THEMIS: variants seen among roughly 807,000 people sequenced by gnomAD.
THEMIS encodes the protein protein THEMIS.
THEMIS carries 37 observed loss-of-function variants against 52.6 expected under a neutral mutation model. The observed-to-expected ratio is 0.70, with a 90% CI of 0.54 to 0.93. THEMIS has a LOEUF of 0.93. Among genes scored for constraint, THEMIS ranks in the 40% least tolerant of loss-of-function variants. THEMIS has a pLI of 0.00. For missense variants in THEMIS, 808 were observed against 763.1 expected (o/e 1.06, Z -0.69); for synonymous variants, 292 against 272.7 (o/e 1.07, Z -0.70).
intron 1 of THEMIS, among the ~76,000 whole-genome samples, chr6:127,861,719 GGTT>G (rs1445042592): frequency 6.7e-6 from 1 of 149,514 alleles, no homozygotes; most frequent in Non-Finnish European, 1.5e-5. Flanking sequence ...AGGAGGTGAA[GGTT>G]GCAGTGAGCT....
chr6:127,881,029 C>A (rs990041538), intron 1 of THEMIS, among the ~76,000 whole-genome samples: 1 of 151,978 alleles, frequency 6.6e-6, no homozygotes, highest in Non-Finnish European at 1.5e-5. Context: ...TTTTTAAATT[C>A]AAGAACTTGA....
chr6:127,739,310 G>C (rs945548360), intron 4 of THEMIS, among the ~76,000 whole-genome samples: 1 of 152,122 alleles, frequency 6.6e-6, no homozygotes, highest in Non-Finnish European at 1.5e-5. Context: ...AGTTGAGAGA[G>C]AGACAGAGAG....
chr6:127,785,199 C>T (rs1485091032), intron 4 of THEMIS, among the ~76,000 whole-genome samples: 5 of 128,148 alleles, frequency 3.9e-5, no homozygotes, highest in Non-Finnish European at 1.8e-5. Context: ...CTATTATCTA[C>T]CTACCTACCT....
At chr6:127,902,169 T>A (rs1037163355), upstream of THEMIS, among the ~76,000 whole-genome samples, 98 of 151,196 alleles carry the variant, frequency 6.5e-4, no homozygotes, top group African/African-American at 2.3e-3. Flanking sequence ...TACAAAAAAA[T>A]TAAAAAATTA....
intron 1 of THEMIS, among the ~76,000 whole-genome samples, chr6:127,886,169 T>C (rs937605870): frequency 1.3e-5 from 2 of 152,162 alleles, no homozygotes; most frequent in African/African-American, 4.8e-5. Flanking sequence ...GACATTTCTT[T>C]GGTTAACTCC....
At chr6:127,818,134 A>G (rs2114623572) in intron 3 of THEMIS, among the ~76,000 whole-genome samples, 1 of 152,256 alleles carries the variant, frequency 6.6e-6, no homozygotes, top group Non-Finnish European at 1.5e-5. Context: ...CCCAACTCCA[A>G]CCTTCTCTGT....
chr6:127,808,751 T>C (rs927017871), intron 4 of THEMIS, among the ~76,000 whole-genome samples: 5 of 152,226 alleles, frequency 3.3e-5, no homozygotes, highest in African/African-American at 1.2e-4. Context: ...CTAAAGTTTC[T>C]ACACCAATCT....
At chr6:127,828,622 G>A (rs373885299) in intron 3 of THEMIS, among the ~76,000 whole-genome samples, 1 of 152,034 alleles carries the variant, frequency 6.6e-6, no homozygotes, top group Non-Finnish European at 1.5e-5. Context: ...CCAGATATTC[G>A]TATTTCAAAA....
chr6:127,752,894 T>C (rs1308650369), intron 4 of THEMIS, among the ~76,000 whole-genome samples: 1 of 151,882 alleles, frequency 6.6e-6, no homozygotes, highest in Non-Finnish European at 1.5e-5. Context: ...CAGGCCAATA[T>C]ACCTGATAAG....
intron 1 of THEMIS, among the ~76,000 whole-genome samples, chr6:127,887,499 C>T (rs959687619): frequency 6.6e-6 from 1 of 151,974 alleles, no homozygotes; most frequent in Non-Finnish European, 1.5e-5. Flanking sequence ...GTGGTATATC[C>T]ATACAATAAA....
chr6:127,916,210 A>T (rs1781523950), intron 1 of THEMIS, among the ~76,000 whole-genome samples: 2 of 151,702 alleles, frequency 1.3e-5, no homozygotes. Flanking sequence ...TATGAAAAAA[A>T]TAAACCTAGG....
intron 4 of THEMIS, 148 bp from the exon 5 acceptor site, chr6:127,719,971 C>G: frequency 9.5e-7 from 1 of 1,051,246 alleles, no homozygotes; most frequent in Non-Finnish European, 1.3e-6. Context: ...ATATGTTCAT[C>G]AATATATTTT....
chr6:127,806,143 G>C (rs771662254), intron 4 of THEMIS, among the ~76,000 whole-genome samples: 21 of 151,966 alleles, frequency 1.4e-4, no homozygotes, highest in Admixed American at 1.3e-3. Context: ...TCATTTTTCT[G>C]TTATTGCTAT....
chr6:127,876,945 A>G (rs1409103972), intron 1 of THEMIS, among the ~76,000 whole-genome samples: 1 of 152,226 alleles, frequency 6.6e-6, no homozygotes, highest in Non-Finnish European at 1.5e-5. Flanking sequence ...GCAATAAATG[A>G]ATATTACAAT....
At chr6:127,701,854 G>T in the THEMIS span, among the ~76,000 whole-genome samples, 4 of 152,194 alleles carry the variant, frequency 2.6e-5, no homozygotes, top group South Asian at 8.3e-4. Context: ...TGAAGTGCCT[G>T]CTTAAGTTCT....
chr6:127,849,772 A>G (rs1215060057), intron 2 of THEMIS, among the ~76,000 whole-genome samples: 2 of 152,042 alleles, frequency 1.3e-5, no homozygotes, highest in Non-Finnish European at 2.9e-5. Flanking sequence ...GATATATAAG[A>G]CCTGAAACCA....
At chr6:127,902,240 A>C (rs1781154362), upstream of THEMIS, among the ~76,000 whole-genome samples, 1 of 149,544 alleles carries the variant, frequency 6.7e-6, no homozygotes, top group Non-Finnish European at 1.5e-5. Flanking sequence ...AAGGAGGATC[A>C]CTTGAGCCCT....
chr6:127,836,703 A>G (rs1778883968), intron 2 of THEMIS, among the ~76,000 whole-genome samples: 1 of 152,178 alleles, frequency 6.6e-6, no homozygotes, highest in Admixed American at 6.5e-5. Context: ...TTGGTTCCAT[A>G]TTACTAGGCA....
the THEMIS span, among the ~76,000 whole-genome samples, chr6:127,700,124 A>G: frequency 6.6e-6 from 1 of 152,010 alleles, no homozygotes; most frequent in African/African-American, 2.4e-5. Context: ...AATAAAAATG[A>G]AAACCTATTC....
Sources: gnomAD v4.1 joint callset for allele counts (sites outside exome capture counted in the v4.1 genomes callset) on GRCh38, gnomAD v4.1.1 for gene constraint, MANE v1.5 for transcripts, NCBI Gene and HGNC (gene_info 2026-07-23, HGNC 2026-07-21) for gene names.